LCORL: variants seen among roughly 807,000 people sequenced by gnomAD.
LCORL encodes the protein ligand-dependent nuclear receptor corepressor-like protein.
LCORL carries 41 observed loss-of-function variants against 141.8 expected under a neutral mutation model. That is an observed-to-expected ratio of 0.29 (90% CI 0.23 to 0.38). The LOEUF (loss-of-function observed/expected upper bound fraction) is 0.38, where lower values mean the gene tolerates loss of function less well. LCORL is among the 10% of genes least tolerant of loss of function. The pLI, the probability that LCORL is intolerant of heterozygous loss-of-function variation, is 1.00. For synonymous variants in LCORL, 618 were observed against 694.1 expected (o/e 0.89, Z 1.72); for missense variants, 1,759 against 2,035.0 (o/e 0.86, Z 2.61).
chr4:17,878,228 C>A lies in LCORL; in HGVS notation c.777-15G>T. ...CAACAGTTGAACTAAAAATAAAAAT[C>A]AAACAAAAAATGAATTGCAGCAAAA... is the stretch of plus-strand genomic sequence containing the variant. On this transcript the variant is annotated splice_polypyrimidine_tract_variant and intron_variant, in intron 6 of 7. Transcript: ENST00000635767. The A allele has an allele frequency of 3.3e-6, 4 of 1,226,972 alleles. No homozygotes were observed. In the South Asian group the frequency reaches 1.2e-4, roughly 38 times the overall value. 76.0% of individuals were successfully genotyped at this position (1,226,972 alleles called of 1,614,324 possible). A position where few individuals can be genotyped will look rare whatever the true frequency, so the allele number is the denominator to read the frequency against.
At chr4:17,911,272 A>G (rs1332046317) in intron 4 of LCORL, among the ~76,000 whole-genome samples, 1 of 151,422 alleles carries the variant, frequency 6.6e-6, no homozygotes, top group African/African-American at 2.5e-5. Flanking sequence ...ATTTTATTTA[A>G]ATCACCAAAT....
At chr4:17,918,183 A>G (rs1261338339) in intron 4 of LCORL, among the ~76,000 whole-genome samples, 2 of 152,364 alleles carry the variant, frequency 1.3e-5, no homozygotes, top group East Asian at 1.9e-4. Context: ...TAGTTTAGAA[A>G]AGTCGCTAAA....
intron 4 of LCORL, among the ~76,000 whole-genome samples, chr4:17,938,005 T>TTC (rs1206515684): frequency 1.4e-5 from 2 of 144,382 alleles, no homozygotes; most frequent in African/African-American, 2.6e-5. Context: ...AACAATTTCT[T>TTC]TTTTTTTTTT....
At chr4:17,855,426 A>G (rs1724239445) in intron 7 of LCORL, among the ~76,000 whole-genome samples, 1 of 152,230 alleles carries the variant, frequency 6.6e-6, no homozygotes, top group Non-Finnish European at 1.5e-5. Flanking sequence ...GACATGGTTT[A>G]TAACGTTCCG....
chr4:18,008,766 CTG>C (rs1229050756), intron 1 of LCORL, among the ~76,000 whole-genome samples: 1 of 152,164 alleles, frequency 6.6e-6, no homozygotes, highest in East Asian at 1.9e-4. Context: ...GCTGGAAAAT[CTG>C]TAAGACAACA....
At chr4:17,912,681 C>T (rs1185071243) in intron 4 of LCORL, 1 of 386,304 alleles carries the variant, frequency 2.6e-6, no homozygotes, top group Non-Finnish European at 5.0e-6. Context: ...GAGGTGGAGG[C>T]CTGCTATGCC....
intron 1 of LCORL, among the ~76,000 whole-genome samples, chr4:17,999,376 C>G (rs1721545059): frequency 6.6e-6 from 1 of 151,726 alleles, no homozygotes; most frequent in Non-Finnish European, 1.5e-5. Flanking sequence ...ATGGCGTGAA[C>G]CCGGGAGGTG....
chr4:17,877,266 T>C (rs1727025193), exon 7 of LCORL: 2 of 1,230,212 alleles, frequency 1.6e-6, no homozygotes, highest in South Asian at 4.1e-5. Flanking sequence ...TTTTGCATTA[T>C]GCAAGAGAGA....
intron 5 of LCORL, among the ~76,000 whole-genome samples, chr4:17,891,666 A>C (rs1729099821): frequency 6.6e-6 from 1 of 152,212 alleles, no homozygotes; most frequent in Non-Finnish European, 1.5e-5. Flanking sequence ...CAGATGATGT[A>C]AACATGTAAA....
Position 18,021,296 on chromosome 4 carries a change from C to T in LCORL, c.154+302G>A, listed in dbSNP as rs1465769324. Among the ~76,000 whole-genome samples the T allele has an allele frequency of 6.6e-6, 1 of 152,074 alleles. No individual in the cohort carries two copies. Among genetic ancestry groups the T allele is most frequent in the Non-Finnish European group, 1.5e-5 (1 of 67,972 alleles). On this transcript the variant is annotated intron_variant, in intron 1 of 7. Coordinates refer to ENST00000635767, the Ensembl canonical transcript of LCORL. The surrounding 1 kb of genome is among the most constrained non-coding windows in gnomAD (Gnocchi z 5.5). Reference sequence around the variant, plus strand: ...GGCGACGGCGGGCAGCGACGGGCGCCGAGGAGTTTCGGGGAGAGAGCGAGC... The same window carrying T: ...GGCGACGGCGGGCAGCGACGGGCGCTGAGGAGTTTCGGGGAGAGAGCGAGC...
At chr4:17,946,674 T>C (rs905439911) in intron 4 of LCORL, among the ~76,000 whole-genome samples, 4 of 151,984 alleles carry the variant, frequency 2.6e-5, no homozygotes, top group South Asian at 2.1e-4. Context: ...GTAAAACTCA[T>C]GGTAGAGTCA....
chr4:17,990,050 C>CCCA (rs1236649707), intron 1 of LCORL, among the ~76,000 whole-genome samples: 21 of 152,020 alleles, frequency 1.4e-4, no homozygotes, highest in Admixed American at 1.4e-3. Flanking sequence ...ATTTGAATCT[C>CCCA]CCACTTCGTC....
chr4:17,896,881 C>A (rs923269143), intron 5 of LCORL, among the ~76,000 whole-genome samples: 3 of 152,010 alleles, frequency 2.0e-5, no homozygotes, highest in Admixed American at 1.3e-4. Context: ...CCCCCACTAT[C>A]CTTCTCAGCC....
intron 5 of LCORL, among the ~76,000 whole-genome samples, chr4:17,892,209 CTTT>C (rs1018422638): frequency 1.6e-5 from 2 of 126,494 alleles, no homozygotes; most frequent in African/African-American, 2.9e-5. Flanking sequence ...TTTTTTTTTT[CTTT>C]TTTTTTTTTT....
At chr4:17,893,445 T>G in intron 5 of LCORL, 2 of 985,196 alleles carry the variant, frequency 2.0e-6, no homozygotes, top group Non-Finnish European at 2.4e-6. Context: ...ATATAAATTA[T>G]GCAAACAGTT....
chr4:17,998,437 T>G (rs767867424), intron 1 of LCORL, among the ~76,000 whole-genome samples: 6 of 151,948 alleles, frequency 3.9e-5, no homozygotes, highest in Admixed American at 3.3e-4. Flanking sequence ...CTATTTAAAC[T>G]TTTTTTTAAA....
intron 5 of LCORL, among the ~76,000 whole-genome samples, chr4:17,902,183 G>A (rs1319998011): frequency 1.3e-5 from 2 of 152,042 alleles, no homozygotes; most frequent in African/African-American, 4.8e-5. Context: ...AGGTGGGCAG[G>A]GGCTGGTTCC....
At chr4:17,990,904 T>C (rs560277918) in intron 1 of LCORL, among the ~76,000 whole-genome samples, 1 of 152,174 alleles carries the variant, frequency 6.6e-6, no homozygotes, top group African/African-American at 2.4e-5. Context: ...TCCTCAAAAA[T>C]AAAAGGCATT....
chr4:17,945,504 C>T (rs377282272), intron 4 of LCORL, among the ~76,000 whole-genome samples: 1 of 151,740 alleles, frequency 6.6e-6, no homozygotes, highest in South Asian at 2.1e-4. Context: ...GCTGACCCAG[C>T]AATATACCCC....
Sources: gnomAD v4.1 joint callset for allele counts (sites outside exome capture counted in the v4.1 genomes callset) on GRCh38, gnomAD v4.1.1 for gene constraint, Gnocchi (gnomAD v3.1) non-coding constraint, MANE v1.5 for transcripts, NCBI Gene and HGNC (gene_info 2026-07-23, HGNC 2026-07-21) for gene names.